Variants in RPH3A observed in about 807,000 individuals in gnomAD.
RPH3A encodes rabphilin 3A, also known as rabphilin-3A.
RPH3A carries 48 observed loss-of-function variants against 102.2 expected under a neutral mutation model. The observed-to-expected ratio is 0.47, with a 90% CI of 0.37 to 0.60. The LOEUF (loss-of-function observed/expected upper bound fraction) is 0.60, where lower values mean the gene tolerates loss of function less well. RPH3A is among the 20% of genes least tolerant of loss of function. RPH3A has a pLI of 0.00. For synonymous variants in RPH3A, 310 were observed against 324.3 expected, an observed-to-expected ratio of 0.96 and a Z score of 0.47; for missense variants, 781 against 910.1, an observed-to-expected ratio of 0.86 and a Z score of 1.83.
intron 2 of RPH3A, among the ~76,000 whole-genome samples, chr12:112,824,225 A>C (rs7973714): frequency 0.057 from 8,716 of 152,254 alleles, 850 homozygotes; most frequent in African/African-American, 0.2. Flanking sequence ...ATGGCAGCAC[A>C]CAGCCGTCTT....
At position 112,895,673 on chromosome 12, in the gene RPH3A, A is replaced by G. The variant is rs374946131; in HGVS notation, c.1858-104A>G. 1.5e-4 allele frequency: 108 copies of G among 724,232 alleles called. 1 individual carries two copies. The highest frequency in any genetic ancestry group is 8.9e-4 in the South Asian group (54 of 60,578). 44.9% of individuals were successfully genotyped at this position (724,232 alleles called of 1,614,324 possible). A position where few individuals can be genotyped will look rare whatever the true frequency, so the allele number is the denominator to read the frequency against. On this transcript the variant is annotated intron_variant, in intron 20 of 21. Transcript: ENST00000389385. ...CTCCTTGCTCCCAGAATGCCAGCTC[A>G]AGGACCTCTCCTTGGCCCATAACCC...
chr12:112,764,512 A>T (rs1414114901), intron 1 of RPH3A, among the ~76,000 whole-genome samples: 1 of 152,184 alleles, frequency 6.6e-6, no homozygotes, highest in African/African-American at 2.4e-5. Context: ...ATTAATGTAG[A>T]TTCTTTACAG....
chr12:112,875,174 C>T lies in RPH3A; in HGVS notation c.883+4C>T, dbSNP rs969188093. 2 of 1,596,444 alleles carry T rather than the reference C, an allele frequency of 1.3e-6. No homozygotes were observed. The highest frequency in any genetic ancestry group is 1.7e-6 in the Non-Finnish European group (2 of 1,171,824). On this transcript the variant is annotated splice_donor_region_variant and intron_variant, in intron 11 of 21. Transcript: ENST00000389385. Reference sequence around the variant, plus strand: ...CCACCTCAGCCTGGGCAGCCAGGTACCTGCCACTCACCTGCTAGCACCTGC... The same window carrying T: ...CCACCTCAGCCTGGGCAGCCAGGTATCTGCCACTCACCTGCTAGCACCTGC...
intron 1 of RPH3A, among the ~76,000 whole-genome samples, chr12:112,604,623 A>G (rs1180858272): frequency 6.6e-6 from 1 of 152,222 alleles, no homozygotes; most frequent in Non-Finnish European, 1.5e-5. Context: ...GGTTAATTAT[A>G]TAAGTGACAT....
chr12:112,592,827 G>A (rs117529015), intron 1 of RPH3A, among the ~76,000 whole-genome samples: 2,528 of 152,204 alleles, frequency 0.017, 29 homozygotes, highest in Non-Finnish European at 0.022. Context: ...GGGGCCACAC[G>A]ACTTATTCCT....
At chr12:112,845,945 A>G (rs1750533838) in intron 4 of RPH3A, among the ~76,000 whole-genome samples, 1 of 152,198 alleles carries the variant, frequency 6.6e-6, no homozygotes, top group Admixed American at 6.5e-5. Flanking sequence ...CCAGGGAGAT[A>G]AGTGTTCCTG....
upstream of RPH3A, among the ~76,000 whole-genome samples, chr12:112,789,021 T>C (rs1344334840): frequency 1.3e-5 from 2 of 151,992 alleles, no homozygotes; most frequent in South Asian, 2.1e-4. Flanking sequence ...TAGCCAGGCG[T>C]GGGGCGCATA....
At chr12:112,838,425 G>C (rs1045863258) in intron 4 of RPH3A, among the ~76,000 whole-genome samples, 1 of 152,200 alleles carries the variant, frequency 6.6e-6, no homozygotes, top group African/African-American at 2.4e-5. Flanking sequence ...TTCATCCAAA[G>C]GGGCCTTTAT....
intron 1 of RPH3A, among the ~76,000 whole-genome samples, chr12:112,645,517 C>T (rs1316926358): frequency 1.3e-5 from 2 of 152,068 alleles, no homozygotes; most frequent in Non-Finnish European, 1.5e-5. Flanking sequence ...TTAAGATTAT[C>T]ACAAGAAAAA....
chr12:112,674,641 G>A (rs560860658), intron 1 of RPH3A, among the ~76,000 whole-genome samples: 1 of 152,226 alleles, frequency 6.6e-6, no homozygotes, highest in African/African-American at 2.4e-5. Flanking sequence ...CTCCTCCCCA[G>A]CATCCAGAGG....
chr12:112,825,549 G>A (rs1467864135), intron 2 of RPH3A, among the ~76,000 whole-genome samples: 1 of 152,056 alleles, frequency 6.6e-6, no homozygotes, highest in African/African-American at 2.4e-5. Context: ...TACTCTTGGT[G>A]GGACCTTCAG....
intron 1 of RPH3A, among the ~76,000 whole-genome samples, chr12:112,728,499 A>C (rs1035080727): frequency 6.6e-6 from 1 of 152,172 alleles, no homozygotes; most frequent in Non-Finnish European, 1.5e-5. Context: ...TCTGGCTGTC[A>C]TAGCTTTCAA....
intron 1 of RPH3A, among the ~76,000 whole-genome samples, chr12:112,664,613 C>T (rs963936456): frequency 7.9e-5 from 12 of 152,026 alleles, no homozygotes; most frequent in Middle Eastern, 3.2e-3. Context: ...TTGTCCTTGT[C>T]TTCATTATAA....
chr12:112,582,755 C>T (rs552929372), intron 1 of RPH3A, among the ~76,000 whole-genome samples: 3 of 152,120 alleles, frequency 2.0e-5, no homozygotes, highest in Middle Eastern at 3.4e-3. Flanking sequence ...AGCCTGGCCA[C>T]GAACAACATT....
intron 2 of RPH3A, among the ~76,000 whole-genome samples, chr12:112,825,870 T>C (rs1220615545): frequency 2.0e-5 from 3 of 152,178 alleles, no homozygotes; most frequent in Non-Finnish European, 4.4e-5. Context: ...GAGGCCAGAA[T>C]GGAGAAGCGG....
intron 1 of RPH3A, among the ~76,000 whole-genome samples, chr12:112,598,390 A>G (rs2039533464): frequency 6.6e-6 from 1 of 152,160 alleles, no homozygotes; most frequent in Non-Finnish European, 1.5e-5. Flanking sequence ...CTTCCTGAAT[A>G]TATTCGGAAT....
At chr12:112,727,657 A>T (rs1190722485) in intron 1 of RPH3A, among the ~76,000 whole-genome samples, 1 of 152,008 alleles carries the variant, frequency 6.6e-6, no homozygotes, top group African/African-American at 2.4e-5. Context: ...AACCCTGAAA[A>T]TACTGGGAGC....
rs79157195 is a variant in RPH3A, at chr12:112,640,458, C to T, written c.-140+65139C>T. On this transcript the variant is annotated intron_variant, in intron 1 of 21. Coordinates refer to the RPH3A transcript ENST00000543106. ...GCTTATTAATGATCCCTCCTTTCAC[C>T]CTCTCTTTTCCCCATCTTTTCATCT... Among the ~76,000 whole-genome samples the T allele has an allele frequency of 7.8e-3, 1,173 of 151,200 alleles. 12 individuals are homozygous for T. The highest frequency in any genetic ancestry group is 0.027 in the African/African-American group (1,115 of 40,986).
chr12:112,777,060 G>T (rs2040973492), intron 1 of RPH3A, among the ~76,000 whole-genome samples: 1 of 152,138 alleles, frequency 6.6e-6, no homozygotes, highest in Non-Finnish European at 1.5e-5. Flanking sequence ...AAGTCACGTT[G>T]CAAGGGGCAT....
Sources: gnomAD v4.1 joint callset for allele counts (sites outside exome capture counted in the v4.1 genomes callset) on GRCh38, gnomAD v4.1.1 for gene constraint, MANE v1.5 for transcripts, NCBI Gene and HGNC (gene_info 2026-07-23, HGNC 2026-07-21) for gene names.